The following ZNF441 variants were observed in gnomAD, a reference collection of about 807,000 sequenced individuals.
ZNF441 encodes zinc finger protein 441.
A neutral mutation model predicts 64.5 loss-of-function variants in ZNF441; 25 were observed. That is an observed-to-expected ratio of 0.39 (90% confidence interval 0.28 to 0.54). The LOEUF is 0.54. Ranked by LOEUF, ZNF441 falls within the 20% of genes least tolerant of loss-of-function variation. The pLI is 0.70. For missense variants in ZNF441, 715 were observed against 843.3 expected, an observed-to-expected ratio of 0.85 and a Z score of 1.88; for synonymous variants, 262 against 268.0, an observed-to-expected ratio of 0.98 and a Z score of 0.22.
At chr19:11,768,799 C>CT (rs141555835) in intron 1 of ZNF441, among the ~76,000 whole-genome samples, 2,149 of 152,332 alleles carry the variant, frequency 0.014, 46 homozygotes, top group African/African-American at 0.05. Flanking sequence ...GGATATATGG[C>CT]TGGTCAGCCA....
At position 11,781,715 on chromosome 19, in the gene ZNF441, C is replaced by T; in HGVS notation, c.1891C>T (p.Arg631Ter). The T allele has an allele frequency of 3.1e-6, 5 of 1,613,796 alleles. No individual in the cohort carries two copies. The highest frequency in any genetic ancestry group is 3.4e-6 in the Non-Finnish European group (4 of 1,179,944). ...GKAFSHSSYL[R>*]IHERVHTGEK... ...AGCCTTCAGTCATTCAAGTTACTTA[C>T]GAATACACGAAAGAGTTCATACTGG... Residue 631 changes from arginine (R) to a stop codon, truncating the protein, a stop_gained, in exon 4 of 4, where the codon CGA becomes TGA. Transcript: ENST00000357901. LOFTEE classifies it high-confidence loss of function.
intron 3 of ZNF441, among the ~76,000 whole-genome samples, 169 bp from the exon 4 acceptor site, chr19:11,779,850 G>T (rs1222732174): frequency 7.2e-5 from 11 of 151,904 alleles, no homozygotes; most frequent in Non-Finnish European, 8.8e-5. Context: ...GGTGGAGGTT[G>T]CAGTGAGCTG....
In ZNF441 at chr19:11,781,827, A is replaced by G. The variant is rs780666081; in HGVS notation, c.2003A>G (p.Glu668Gly). The change falls in exon 4 of 4, where the codon GAG becomes GGG. Residue 668 changes from glutamate to glycine, a missense_variant. Glu to Gly is a moderately conservative substitution (Grantham distance 98). Coordinates refer to ENST00000357901, the MANE Select transcript of ZNF441 (RefSeq NM_152355.3). ...FHKHERTHSM[E>G]KPYKCKECGE... ...AAACATGAAAGGACCCACAGTATGG[A>G]GAAACCCTATAAGTGTAAAGAATGT... 4 of 1,613,990 alleles carry G rather than the reference A, an allele frequency of 2.5e-6. 1 individual carries two copies. In the South Asian group the frequency reaches 4.4e-5, roughly 18 times the overall value.
chr19:11,781,782 A>G lies in ZNF441; in HGVS notation c.1958A>G (p.His653Arg). 1.2e-6 allele frequency: 2 copies of G among 1,614,104 alleles called. No individual in the cohort carries two copies. Among genetic ancestry groups the G allele is most frequent in the Non-Finnish European group, 1.7e-6 (2 of 1,179,966 alleles). ...YKCKECGKPF[H>R]CPSAFHKHER... is the part of the protein sequence containing the mutation. ...TGTAAGGAATGTGGGAAACCATTCCATTGTCCCAGTGCCTTTCATAAACAT... is the reference window on the plus strand; with the variant it reads ...TGTAAGGAATGTGGGAAACCATTCCGTTGTCCCAGTGCCTTTCATAAACAT... The change falls in exon 4 of 4, where the codon CAT becomes CGT. Residue 653 changes from histidine to arginine, a missense_variant. This residue lies in a region of ZNF441 where 316 missense variants were observed against 429.3 expected (regional missense o/e 0.74). Coordinates refer to ENST00000357901, the MANE Select transcript of ZNF441 (RefSeq NM_152355.3).
intron 1 of ZNF441, among the ~76,000 whole-genome samples, chr19:11,773,026 C>T (rs559422873): frequency 2.6e-5 from 4 of 152,288 alleles, no homozygotes; most frequent in South Asian, 4.2e-4. Context: ...CTCCTGACCT[C>T]GTGATTCGCC....
intron 2 of ZNF441, 32 bp from the exon 3 acceptor site, chr19:11,778,298 T>C (rs1276483351): frequency 7.3e-7 from 1 of 1,363,174 alleles, no homozygotes; most frequent in Non-Finnish European, 1.0e-6. Context: ...TTTATAATAA[T>C]TTATAGTCAT....
chr19:11,769,399 G>A (rs1325651431), intron 1 of ZNF441, among the ~76,000 whole-genome samples: 5 of 152,128 alleles, frequency 3.3e-5, no homozygotes, highest in African/African-American at 1.2e-4. Context: ...ATAGGTTCTT[G>A]TACCTTAAGT....
rs1975280648 is a variant in ZNF441, at chr19:11,767,561, C to T, written c.3+365C>T. ...TAATAGGGGGAGAGGGGAGGACACC[C>T]CAGATCCGCCTTCCTGAGAGGTTTG... On this transcript the variant is annotated intron_variant, in intron 1 of 3. Coordinates refer to ENST00000357901, the MANE Select transcript of ZNF441 (RefSeq NM_152355.3). This position sits in a 1 kb window ranked among gnomAD's most constrained non-coding sequence, Gnocchi z 5.1. Among the ~76,000 whole-genome samples the T allele has an allele frequency of 1.3e-5, 2 of 152,116 alleles. No individual in the cohort carries two copies. Among genetic ancestry groups the T allele is most frequent in the South Asian group, 4.1e-4 (2 of 4,824 alleles).
rs1183991518 is a variant in ZNF441, at chr19:11,782,660, A to G, written c.*754A>G. On this transcript the variant is annotated 3_prime_UTR_variant, in exon 4 of 4. Coordinates refer to ENST00000357901, the MANE Select transcript of ZNF441 (RefSeq NM_152355.3). ...TAAGTGTTGAAGGTTTCATCTCCAT[A>G]ATTGCAGCTGCTTTAGCTACAAATA... 6.6e-6 allele frequency: 1 copy of G among 152,166 alleles called. No individual in the cohort carries two copies. Among genetic ancestry groups the G allele is most frequent in the Non-Finnish European group, 1.5e-5 (1 of 68,020 alleles). 9.4% of individuals were successfully genotyped at this position (152,166 alleles called of 1,614,324 possible).
At chr19:11,771,604 G>A (rs114967616) in intron 1 of ZNF441, among the ~76,000 whole-genome samples, 2,152 of 152,176 alleles carry the variant, frequency 0.014, 48 homozygotes, top group African/African-American at 0.05. Flanking sequence ...CATAACCTAC[G>A]AAAAACCAGG....
chr19:11,776,509 G>C (rs910592397), intron 1 of ZNF441, among the ~76,000 whole-genome samples: 1 of 152,180 alleles, frequency 6.6e-6, no homozygotes, highest in Non-Finnish European at 1.5e-5. Flanking sequence ...AAAAAGGTCT[G>C]TTTAGGGATT....
intron 1 of ZNF441, among the ~76,000 whole-genome samples, chr19:11,774,607 G>A (rs1360271809): frequency 1.3e-5 from 2 of 152,014 alleles, no homozygotes; most frequent in South Asian, 2.1e-4. Flanking sequence ...AATTAAATAT[G>A]GTCCAATTTC....
At position 11,780,861 on chromosome 19, in the gene ZNF441, CTGAT is replaced by C; in HGVS notation, c.1040_1043del (p.Asp347AlafsTer8). The stretch of plus-strand genomic sequence containing the variant: ...TGTAAGTATTGTGGGAAAGCATTCT[CTGAT>C]TGCACAGGTTTTCGAAGACACATGA... On this transcript the variant is annotated frameshift_variant, in exon 4 of 4. Transcript: ENST00000357901. LOFTEE classifies it high-confidence loss of function. The C allele has an allele frequency of 1.2e-6, 2 of 1,613,800 alleles. No individual in the cohort carries two copies. The highest frequency in any genetic ancestry group is 1.7e-6 in the Non-Finnish European group (2 of 1,179,956).
In ZNF441 at chr19:11,784,011, A is replaced by G. The variant is rs1359104020; in HGVS notation, c.*2105A>G. 2 of 152,212 alleles carry G rather than the reference A, an allele frequency of 1.3e-5. No individual in the cohort carries two copies. The highest frequency in any genetic ancestry group is 4.8e-5 in the African/African-American group (2 of 41,464). The allele number at this position is 152,212 out of a possible 1,614,324, so 9.4% of individuals were successfully genotyped here. A position where few individuals can be genotyped will look rare whatever the true frequency, so the allele number is the denominator to read the frequency against. ...CATTCTATGCATGCAAGAAATGCTC[A>G]TGTGTACCTTATATATATGTAAAAT... On this transcript the variant is annotated 3_prime_UTR_variant, in exon 4 of 4. Transcript: ENST00000357901.
intron 1 of ZNF441, among the ~76,000 whole-genome samples, chr19:11,774,073 T>A (rs1017034351): frequency 9.2e-5 from 14 of 152,174 alleles, no homozygotes; most frequent in Admixed American, 7.9e-4. Flanking sequence ...ATGAGTATAG[T>A]AAATCTCTTT....
intron 3 of ZNF441, 117 bp from the exon 4 acceptor site, chr19:11,779,902 A>G (rs957993681): frequency 2.2e-6 from 2 of 929,924 alleles, no homozygotes; most frequent in Non-Finnish European, 1.6e-6. Context: ...CAGAGCGAGA[A>G]CCTGTCTCAG....
At chr19:11,774,716 A>T (rs1395657814) in intron 1 of ZNF441, among the ~76,000 whole-genome samples, 1 of 152,210 alleles carries the variant, frequency 6.6e-6, no homozygotes, top group East Asian at 1.9e-4. Flanking sequence ...CATATTTAAG[A>T]CAGTTGCTTT....
Position 11,781,648 on chromosome 19 carries a change from T to C in ZNF441, c.1824T>C (p.Thr608=). The C allele has an allele frequency of 1.2e-6, 2 of 1,614,146 alleles. No individual in the cohort carries two copies. ...GTTCAGTGCAAAGACATGAAAGAAC[T>C]CACACTGGAGAGAAACCCTATGAAT... ...YPSSVQRHER[T]HTGEKPYECK... is the part of the protein sequence containing the mutation. Residue 608 remains threonine (T), a synonymous_variant, in exon 4 of 4, where the codon ACT becomes ACC. Coordinates refer to ENST00000357901, the MANE Select transcript of ZNF441 (RefSeq NM_152355.3).
At chr19:11,776,605 T>C (rs1315189096) in intron 1 of ZNF441, among the ~76,000 whole-genome samples, 1 of 152,232 alleles carries the variant, frequency 6.6e-6, no homozygotes, top group African/African-American at 2.4e-5. Flanking sequence ...TTTTCTTCTT[T>C]GACATTACTT....
Sources: gnomAD v4.1 joint callset for allele counts (sites outside exome capture counted in the v4.1 genomes callset) on GRCh38, gnomAD v4.1.1 for gene constraint, gnomAD v4.1.1 regional missense constraint, Gnocchi (gnomAD v3.1) non-coding constraint, MANE v1.5 for transcripts, NCBI Gene and HGNC (gene_info 2026-07-23, HGNC 2026-07-21) for gene names.